The following LUZP1 variants were observed in gnomAD, a reference collection of about 807,000 sequenced individuals.
LUZP1 encodes the protein filamin mechanobinding actin cross-linking protein.
Under a neutral mutation model 71.3 loss-of-function variants are expected in LUZP1, and 25 were observed. The observed-to-expected ratio is 0.35, with a 90% CI of 0.26 to 0.49. LUZP1 has a LOEUF of 0.49. Among genes scored for constraint, LUZP1 ranks in the 20% least tolerant of loss-of-function variants. The pLI is 0.99. For missense variants in LUZP1, 1,142 were observed against 1,300.8 expected, an observed-to-expected ratio of 0.88 and a Z score of 1.88; for synonymous variants, 481 against 506.4, an observed-to-expected ratio of 0.95 and a Z score of 0.67.
At position 23,090,830 on chromosome 1, in the gene LUZP1, A is replaced by C. The variant is rs377603701; in HGVS notation, c.3072+360T>G. The stretch of plus-strand genomic sequence containing the variant: ...CTCCTCCTGTTGCCCAGAGCTCCCC[A>C]TCAGCTGCAGCTGCTTCTTGTGCTT... On this transcript the variant is annotated intron_variant, in intron 4 of 4. Coordinates refer to ENST00000302291, the Ensembl canonical transcript of LUZP1. 1.3e-5 allele frequency: 9 copies of C among 715,940 alleles called. No individual in the cohort carries two copies. The Admixed American group carries it at 1.4e-4, about 11-fold the overall frequency. 44.3% of individuals were successfully genotyped at this position (715,940 alleles called of 1,614,324 possible).
chr1:23,128,960 T>C (rs959546192), intron 2 of LUZP1, among the ~76,000 whole-genome samples: 20 of 152,250 alleles, frequency 1.3e-4, no homozygotes, highest in African/African-American at 4.8e-4. Context: ...TAAGCCTATA[T>C]ATTGATTAGT....
At chr1:23,158,971 AGAG>A (rs1003211358) in intron 2 of LUZP1, among the ~76,000 whole-genome samples, 1 of 151,552 alleles carries the variant, frequency 6.6e-6, no homozygotes, top group Non-Finnish European at 1.5e-5. Flanking sequence ...GTTGGGGGTA[AGAG>A]AAGAAGTAAT....
At chr1:23,134,163 T>G (rs1569636550) in intron 2 of LUZP1, among the ~76,000 whole-genome samples, 1 of 152,188 alleles carries the variant, frequency 6.6e-6, no homozygotes, top group East Asian at 1.9e-4. Context: ...ACAGAAAAAG[T>G]CTGCTGACTC....
chr1:23,088,950 C>G, exon 5 of LUZP1: 4 of 1,614,182 alleles, frequency 2.5e-6, no homozygotes, highest in Non-Finnish European at 3.4e-6. Context: ...GGCCCGTACT[C>G]GCCCAGACTC....
chr1:23,151,994 T>A (rs1644388360), intron 2 of LUZP1, among the ~76,000 whole-genome samples: 1 of 131,356 alleles, frequency 7.6e-6, no homozygotes, highest in Non-Finnish European at 1.6e-5. Flanking sequence ...AAAGCAAGAC[T>A]CAGTCTCCAA....
chr1:23,177,173 G>C (rs1644587523), intron 1 of LUZP1, among the ~76,000 whole-genome samples: 1 of 152,118 alleles, frequency 6.6e-6, no homozygotes, highest in African/African-American at 2.4e-5. Context: ...TTACAGGCAT[G>C]AGCCACCATG....
At chr1:23,096,835 T>C (rs1643894753) in intron 3 of LUZP1, among the ~76,000 whole-genome samples, 1 of 152,026 alleles carries the variant, frequency 6.6e-6, no homozygotes, top group Non-Finnish European at 1.5e-5. Context: ...TAGCCAGGTG[T>C]GGTGGTGCAC....
At chr1:23,090,793 A>G (rs1643840290) in intron 4 of LUZP1, 2 of 707,146 alleles carry the variant, frequency 2.8e-6, no homozygotes, top group East Asian at 2.7e-5. Flanking sequence ...CCCTACAGAA[A>G]GGGCACCGGG....
chr1:23,148,566 A>T (rs950230593), intron 2 of LUZP1, among the ~76,000 whole-genome samples: 16 of 152,212 alleles, frequency 1.1e-4, no homozygotes, highest in African/African-American at 3.9e-4. Context: ...GAACTGTCAC[A>T]GTGCAATGTT....
intron 3 of LUZP1, among the ~76,000 whole-genome samples, chr1:23,098,455 T>C (rs1643905826): frequency 6.6e-6 from 1 of 152,150 alleles, no homozygotes; most frequent in South Asian, 2.1e-4. Flanking sequence ...ATAGGAATCC[T>C]GTGGGGGAGT....
chr1:23,143,994 A>G (rs1262532963), intron 2 of LUZP1, among the ~76,000 whole-genome samples: 5 of 152,214 alleles, frequency 3.3e-5, no homozygotes, highest in Non-Finnish European at 7.3e-5. Context: ...GTCTAATCCA[A>G]TATGCTTTGA....
At chr1:23,099,166 G>T (rs939405824) in intron 3 of LUZP1, among the ~76,000 whole-genome samples, 2 of 152,188 alleles carry the variant, frequency 1.3e-5, no homozygotes, top group African/African-American at 4.8e-5. Flanking sequence ...TAAAAAGAAA[G>T]CTTTTCCCTT....
At chr1:23,145,454 G>A (rs1005110905) in intron 2 of LUZP1, among the ~76,000 whole-genome samples, 1 of 150,590 alleles carries the variant, frequency 6.6e-6, no homozygotes, top group Non-Finnish European at 1.5e-5. Context: ...CTATGAGGCA[G>A]ATACTATTAA....
rs533401752 is a variant in LUZP1, at chr1:23,093,322, T to C, written c.940A>G (p.Lys314Glu). The C allele has an allele frequency of 9.3e-6, 15 of 1,610,652 alleles. No individual in the cohort carries two copies. The South Asian group carries it at 1.4e-4, about 16-fold the overall frequency. ...AGGTCGTTATTTTTGGACTTCATTT[T>C]CTTAAGCTCTTCTTCCAACGATTCA... Residue 314 changes from lysine (K) to glutamate (E), a missense_variant, in exon 4 of 5, where the codon AAA (lysine) becomes GAA (glutamate). Lys to Glu is a moderately conservative substitution (Grantham distance 56, BLOSUM62 1). Transcript: ENST00000302291. The surrounding 1 kb of genome is among the most constrained non-coding windows in gnomAD (Gnocchi z 4.2).
At chr1:23,111,482 G>C (rs900837341) in intron 2 of LUZP1, among the ~76,000 whole-genome samples, 1 of 152,032 alleles carries the variant, frequency 6.6e-6, no homozygotes, top group South Asian at 2.1e-4. Flanking sequence ...ATCACCTGGA[G>C]CCCAGAAGTT....
Position 23,149,745 on chromosome 1 carries a change from C to T in LUZP1, c.-226+19021G>A, listed in dbSNP as rs114927516. Among the ~76,000 whole-genome samples the T allele has an allele frequency of 3.1e-3, 464 of 152,060 alleles. 6 individuals are homozygous for T. The highest frequency in any genetic ancestry group is 0.02 in the South Asian group (98 of 4,828). On this transcript the variant is annotated intron_variant, in intron 2 of 4. Transcript: ENST00000302291. ...ATCCCAGCACTTTGGGAGCGGATCA[C>T]GAGGTCACGAGATCGAGATCAGCCT... is the stretch of plus-strand genomic sequence containing the variant.
rs1432760945 is a variant in LUZP1, at chr1:23,092,848, A to C, written c.1414T>G (p.Ser472Ala). The C allele has an allele frequency of 1.2e-6, 2 of 1,613,714 alleles. No individual in the cohort carries two copies. Among genetic ancestry groups the C allele is most frequent in the East Asian group, 2.2e-5 (1 of 44,866 alleles). The change falls in exon 4 of 5, where the codon TCA becomes GCA. Residue 472 changes from serine to alanine, a missense_variant. Ser to Ala is a moderately conservative substitution (Grantham distance 99). Transcript: ENST00000302291. The stretch of plus-strand genomic sequence containing the variant: ...GCCGGGGGGTAGCGACTCAGCACTG[A>C]GGGCTGCTCCCTAGACTTCTTCCCT...
intron 2 of LUZP1, among the ~76,000 whole-genome samples, chr1:23,148,409 C>A (rs986599125): frequency 2.6e-5 from 4 of 152,198 alleles, no homozygotes; most frequent in African/African-American, 9.6e-5. Context: ...GTACTGTTTC[C>A]TTCTCAAAAA....
At chr1:23,098,529 G>A (rs1042361461) in intron 3 of LUZP1, among the ~76,000 whole-genome samples, 1 of 152,184 alleles carries the variant, frequency 6.6e-6, no homozygotes, top group African/African-American at 2.4e-5. Context: ...GGTGTTGCAA[G>A]GGTCACCAGC....
Sources: gnomAD v4.1 joint callset for allele counts (sites outside exome capture counted in the v4.1 genomes callset) on GRCh38, gnomAD v4.1.1 for gene constraint, Gnocchi (gnomAD v3.1) non-coding constraint, MANE v1.5 for transcripts, NCBI Gene and HGNC (gene_info 2026-07-23, HGNC 2026-07-21) for gene names.